The following RBM20 variants were observed in gnomAD, a reference collection of about 807,000 sequenced individuals.
RBM20 encodes RNA-binding protein 20.
In RBM20, 51 loss-of-function variants were observed where a neutral mutation model predicts 110.1. The ratio of observed to expected loss-of-function variants is 0.46; its 90% CI spans 0.37 to 0.59. RBM20 has a LOEUF of 0.59. Among genes scored for constraint, RBM20 ranks in the 20% least tolerant of loss-of-function variants. RBM20 has a pLI of 0.00. For missense variants in RBM20, 1,512 were observed against 1,574.9 expected, an observed-to-expected ratio of 0.96 and a Z score of 0.68; for synonymous variants, 589 against 618.2, an observed-to-expected ratio of 0.95 and a Z score of 0.70.
At chr10:110,684,054 A>G (rs369831662) in intron 1 of RBM20, among the ~76,000 whole-genome samples, 1 of 152,226 alleles carries the variant, frequency 6.6e-6, no homozygotes, top group Non-Finnish European at 1.5e-5. Flanking sequence ...AAAGAAAGTC[A>G]TGGAAATAAT....
At chr10:110,691,873 C>T (rs571565288) in intron 1 of RBM20, among the ~76,000 whole-genome samples, 1 of 152,256 alleles carries the variant, frequency 6.6e-6, no homozygotes, top group African/African-American at 2.4e-5. Flanking sequence ...AAGCATTCCC[C>T]ATATGTTTTC....
intron 1 of RBM20, among the ~76,000 whole-genome samples, chr10:110,689,439 A>G (rs1216568716): frequency 1.3e-5 from 2 of 152,252 alleles, no homozygotes; most frequent in Non-Finnish European, 2.9e-5. Flanking sequence ...GGACTCAGAG[A>G]AAGTTGGAAA....
chr10:110,817,032 G>A (rs112592192), intron 9 of RBM20, among the ~76,000 whole-genome samples: 12 of 152,272 alleles, frequency 7.9e-5, no homozygotes, highest in African/African-American at 2.9e-4. Flanking sequence ...ATAAAGAGGA[G>A]GAAAGAAATG....
intron 9 of RBM20, among the ~76,000 whole-genome samples, chr10:110,818,300 A>AAAG (rs936136894): frequency 6.6e-6 from 1 of 151,166 alleles, no homozygotes; most frequent in African/African-American, 2.4e-5. Flanking sequence ...TCAAAAAAAA[A>AAAG]AAAAAAACCA....
At chr10:110,663,489 A>T (rs936802003) in intron 1 of RBM20, among the ~76,000 whole-genome samples, 1 of 152,236 alleles carries the variant, frequency 6.6e-6, no homozygotes, top group Non-Finnish European at 1.5e-5. Context: ...ATACTTTTTT[A>T]AAAATGGAAG....
chr10:110,810,092 G>T (rs1470474023), intron 7 of RBM20, among the ~76,000 whole-genome samples: 1 of 151,644 alleles, frequency 6.6e-6, no homozygotes, highest in African/African-American at 2.4e-5. Flanking sequence ...TTTTATTCGG[G>T]CAGAGGTGGG....
intron 1 of RBM20, among the ~76,000 whole-genome samples, chr10:110,709,444 T>C (rs1862889604): frequency 6.6e-6 from 1 of 152,064 alleles, no homozygotes; most frequent in Non-Finnish European, 1.5e-5. Flanking sequence ...TTAGAGGGAG[T>C]GTCTGCCCTG....
At chr10:110,723,723 C>T (rs1003978294) in intron 1 of RBM20, among the ~76,000 whole-genome samples, 5 of 152,206 alleles carry the variant, frequency 3.3e-5, no homozygotes, top group Non-Finnish European at 7.4e-5. Flanking sequence ...TGCATGTCTT[C>T]TCTGGAGACA....
At chr10:110,717,498 T>C (rs1297018109) in intron 1 of RBM20, among the ~76,000 whole-genome samples, 1 of 152,164 alleles carries the variant, frequency 6.6e-6, no homozygotes, top group African/African-American at 2.4e-5. Context: ...TCTGCAGAGC[T>C]TACTGTAGAG....
Position 110,716,401 on chromosome 10 carries a change from G to A in RBM20, c.192-64400G>A, listed in dbSNP as rs187483916. On this transcript the variant is annotated intron_variant, in intron 1 of 13. Coordinates refer to ENST00000369519, the MANE Select transcript of RBM20 (RefSeq NM_001134363.3). The stretch of plus-strand genomic sequence containing the variant: ...GGCCCATTGACCAGGTCTCAATTAT[G>A]TAACATCTGGCCTAATTAAACGTGT... 1.5e-3 allele frequency among the ~76,000 whole-genome samples: 231 copies of A among 152,308 alleles called. 2 individuals carry two copies. The highest frequency in any genetic ancestry group is 6.8e-3 in the Middle Eastern group (2 of 294).
chr10:110,727,419 A>AAAAAATAAAAAAAAAAATAAAAAAAAT (rs377734576), intron 1 of RBM20, among the ~76,000 whole-genome samples: 1,480 of 146,760 alleles, frequency 0.01, 15 homozygotes, highest in Middle Eastern at 0.014. Flanking sequence ...AAATAAAAAA[A>AAAAAATAAAAAAAAAAATAAAAAAAAT]AAATAAATAA....
chr10:110,757,546 A>G (rs903311077), intron 1 of RBM20, among the ~76,000 whole-genome samples: 1 of 152,244 alleles, frequency 6.6e-6, no homozygotes, highest in African/African-American at 2.4e-5. Context: ...AACTTAGGAT[A>G]GATTCCATCC....
chr10:110,731,432 TA>T (rs1843620230), intron 1 of RBM20, among the ~76,000 whole-genome samples: 1 of 152,222 alleles, frequency 6.6e-6, no homozygotes, highest in Admixed American at 6.5e-5. Flanking sequence ...ACAAGTTCAG[TA>T]ATGTTCTATC....
In RBM20 at chr10:110,795,266, G is replaced by A. The variant is rs187208303; in HGVS notation, c.1528-2242G>A. Among the ~76,000 whole-genome samples the A allele has an allele frequency of 1.9e-3, 289 of 152,286 alleles. 5 individuals carry two copies. Among genetic ancestry groups the A allele is most frequent in the Admixed American group, 0.017 (254 of 15,290 alleles). The stretch of plus-strand genomic sequence containing the variant: ...GCTTCTTAATAGCACTCCTCCTTTC[G>A]TTTCTGCAGAAGGGTTCAGTCCTCA... On this transcript the variant is annotated intron_variant, in intron 5 of 13. Transcript: ENST00000369519.
At position 110,821,463 on chromosome 10, in the gene RBM20, T is replaced by C. The variant is rs727503389; in HGVS notation, c.2844T>C (p.Cys948=). ...AAATTTGCCCAGAAACATGTCTGTG[T>C]GTGACAACCACCTTAGACTTAGACC... ...KDKICPETCL[C]VTTTLDLDLA... Residue 948 remains cysteine, a synonymous_variant, in exon 11 of 14, where the codon TGT becomes TGC. Coordinates refer to ENST00000369519, the MANE Select transcript of RBM20 (RefSeq NM_001134363.3). 10 of 1,551,850 alleles carry C rather than the reference T, an allele frequency of 6.4e-6. 1 individual carries two copies. Among genetic ancestry groups the C allele is most frequent in the Non-Finnish European group, 8.7e-6 (10 of 1,147,026 alleles).
intron 1 of RBM20, among the ~76,000 whole-genome samples, chr10:110,718,608 C>CTTTTTTTTTTTTTCTTTT (rs1843464750): frequency 2.0e-5 from 2 of 101,548 alleles, no homozygotes; most frequent in African/African-American, 3.8e-5. Context: ...CTACTCCATT[C>CTTTTTTTTTTTTTCTTTT]TTTTTTTTTT....
At position 110,799,863 on chromosome 10, in the gene RBM20, A is replaced by G. The variant is rs890837429; in HGVS notation, c.1745A>G (p.Asn582Ser). ...QYYQEKSAVINGEKLLIRMSK... is the reference protein window; with the variant it reads ...QYYQEKSAVISGEKLLIRMSK... Reference sequence around the variant, plus strand: ...TATCAAGAAAAATCTGCTGTGATCAATGGTGAGAAGTTGCTCATTCGGATG... The same window carrying G: ...TATCAAGAAAAATCTGCTGTGATCAGTGGTGAGAAGTTGCTCATTCGGATG... The change falls in exon 7 of 14, where the codon AAT becomes AGT. Residue 582 changes from asparagine to serine, a missense_variant. Physicochemically the swap from Asn to Ser is conservative, Grantham distance 46. Transcript: ENST00000369519. The G allele has an allele frequency of 3.9e-6, 6 of 1,552,128 alleles. No homozygotes were observed. The highest frequency in any genetic ancestry group is 2.0e-5 in the Admixed American group (1 of 51,012).
At chr10:110,779,825 A>G (rs1033770152) in intron 1 of RBM20, among the ~76,000 whole-genome samples, 4 of 152,246 alleles carry the variant, frequency 2.6e-5, no homozygotes, top group African/African-American at 4.8e-5. Context: ...GCCTATATTC[A>G]GACAGGAAGA....
At position 110,823,545 on chromosome 10, in the gene RBM20, C is replaced by G. The variant is rs1844944561; in HGVS notation, c.3382C>G (p.Leu1128Val). 6.5e-7 allele frequency: 1 copy of G among 1,540,852 alleles called. No individual in the cohort carries two copies. Among genetic ancestry groups the G allele is most frequent in the African/African-American group, 1.4e-5 (1 of 70,030 alleles). Residue 1128 changes from leucine (L) to valine (V), a missense_variant, in exon 12 of 14, where the codon CTG becomes GTG. Leu to Val is a conservative substitution (Grantham distance 32, BLOSUM62 1). Around this residue, in one of 3 missense-constraint regions of RBM20, gnomAD observed 358 missense variants for 384.2 expected, o/e 0.93. Transcript: ENST00000369519. ...VRSPEYTEVE[L>V]KQPLSLPSWE... is the part of the protein sequence containing the mutation. Reference sequence around the variant, plus strand: ...GTCACCAGAGTACACTGAAGTGGAACTGAAACAGCCCCTTTCTTTGCCCTC... The same window carrying G: ...GTCACCAGAGTACACTGAAGTGGAAGTGAAACAGCCCCTTTCTTTGCCCTC...
Sources: allele counts gnomAD v4.1 joint callset (sites outside exome capture counted in the v4.1 genomes callset), GRCh38; gene constraint gnomAD v4.1.1; regional missense constraint gnomAD v4.1.1; transcripts MANE v1.5; gene names NCBI Gene and HGNC (gene_info 2026-07-23, HGNC 2026-07-21).